SYN2: variants seen among roughly 807,000 people sequenced by gnomAD.
The protein encoded by SYN2 is synapsin-2.
Under a neutral mutation model 50.9 loss-of-function variants are expected in SYN2, and 19 were observed. That is an observed-to-expected ratio of 0.37 (90% CI 0.26 to 0.55). The LOEUF is 0.55. Ranked by LOEUF, SYN2 falls within the 20% of genes least tolerant of loss-of-function variation. SYN2 has a pLI of 0.81. For missense variants in SYN2, 587 were observed against 576.4 expected (o/e 1.02, Z -0.19); for synonymous variants, 255 against 224.9 (o/e 1.13, Z -1.20).
At chr3:12,180,932 G>A (rs771067926) in intron 10 of SYN2, among the ~76,000 whole-genome samples, 2 of 152,166 alleles carry the variant, frequency 1.3e-5, no homozygotes, top group African/African-American at 2.4e-5. Flanking sequence ...GATTTAAAAC[G>A]TTTTCTTGGA....
At chr3:12,183,072 C>CCA (rs1328791889) in intron 10 of SYN2, among the ~76,000 whole-genome samples, 2 of 152,206 alleles carry the variant, frequency 1.3e-5, no homozygotes, top group Admixed American at 1.3e-4. Flanking sequence ...GAAGAGGTCT[C>CCA]AGGCATTGTT....
At chr3:12,075,718 T>A (rs1695454563) in intron 1 of SYN2, among the ~76,000 whole-genome samples, 1 of 152,192 alleles carries the variant, frequency 6.6e-6, no homozygotes, top group African/African-American at 2.4e-5. Context: ...ATCCTGTATA[T>A]GACCAGTGAT....
chr3:12,085,087 G>A (rs1022365844), intron 1 of SYN2, among the ~76,000 whole-genome samples: 3 of 124,226 alleles, frequency 2.4e-5, no homozygotes, highest in Admixed American at 9.3e-5. Context: ...CTAATCAAAC[G>A]GCATTGAATG....
chr3:12,175,592 A>C (rs537885028), intron 10 of SYN2, among the ~76,000 whole-genome samples: 58 of 152,352 alleles, frequency 3.8e-4, no homozygotes, highest in African/African-American at 1.4e-3. Context: ...ACCTGTGGCT[A>C]GCCACTTGTC....
Position 12,145,707 on chromosome 3 carries a change from C to T in SYN2, c.556C>T (p.Arg186Trp), listed in dbSNP as rs1314094039. The T allele has an allele frequency of 2.5e-6, 4 of 1,614,020 alleles. No individual in the cohort carries two copies. Among genetic ancestry groups the T allele is most frequent in the South Asian group, 2.2e-5 (2 of 91,086 alleles). The stretch of plus-strand genomic sequence containing the variant: ...CTTCCGGCCAGACTTCGTGCTCATC[C>T]GGCAGCATGCATTTGGCATGGCGGA... Reference protein sequence around the residue: ...RSFRPDFVLIRQHAFGMAENE... With the variant: ...RSFRPDFVLIWQHAFGMAENE... Residue 186 changes from arginine (R) to tryptophan (W), a missense_variant, in exon 4 of 13, where the codon CGG becomes TGG. Arg to Trp is a moderately radical substitution (Grantham distance 101). Transcript: ENST00000621198.
intron 1 of SYN2, among the ~76,000 whole-genome samples, chr3:12,028,036 CA>C (rs1206949138): frequency 9.5e-5 from 9 of 95,056 alleles, no homozygotes; most frequent in East Asian, 3.3e-4. Flanking sequence ...CCCCCCTCCC[CA>C]CCACAGTCCC....
chr3:12,064,438 A>G (rs1695169350), intron 1 of SYN2, among the ~76,000 whole-genome samples: 1 of 152,106 alleles, frequency 6.6e-6, no homozygotes. Context: ...AAATGATACT[A>G]TAAATACAAT....
chr3:12,161,109 C>T (rs1002611567), intron 5 of SYN2, among the ~76,000 whole-genome samples: 3 of 152,124 alleles, frequency 2.0e-5, no homozygotes, highest in African/African-American at 2.4e-5. Flanking sequence ...TTGTAGGTAC[C>T]AAGAGGGTAC....
chr3:12,018,324 A>T (rs1694063981), intron 1 of SYN2, among the ~76,000 whole-genome samples: 1 of 151,938 alleles, frequency 6.6e-6, no homozygotes, highest in Non-Finnish European at 1.5e-5. Flanking sequence ...TGTAGAGCAG[A>T]TGTAGGCTAG....
At chr3:12,051,292 A>T (rs1489124658) in intron 1 of SYN2, among the ~76,000 whole-genome samples, 1 of 152,130 alleles carries the variant, frequency 6.6e-6, no homozygotes, top group Non-Finnish European at 1.5e-5. Context: ...GGCAAGGGGA[A>T]ATGTGTCAAT....
chr3:12,094,569 A>C (rs1695889415), intron 1 of SYN2, among the ~76,000 whole-genome samples: 1 of 152,242 alleles, frequency 6.6e-6, no homozygotes, highest in East Asian at 1.9e-4. Context: ...GTGTAACCAC[A>C]GTAAGTAACT....
At chr3:12,185,720 A>G (rs926334587) in intron 11 of SYN2, 31 of 985,748 alleles carry the variant, frequency 3.1e-5, no homozygotes, top group Non-Finnish European at 3.6e-5. Context: ...AGGAAAAGTT[A>G]TATCTGTCTT....
intron 1 of SYN2, among the ~76,000 whole-genome samples, chr3:12,126,116 G>A (rs1423874217): frequency 6.6e-6 from 1 of 152,182 alleles, no homozygotes; most frequent in Non-Finnish European, 1.5e-5. Flanking sequence ...ACTCTCTAAA[G>A]CACAGAATCT....
In SYN2 at chr3:12,187,399, C is replaced by A; in HGVS notation, c.1400C>A (p.Pro467His). The A allele has an allele frequency of 6.5e-7, 1 of 1,550,250 alleles. No individual in the cohort carries two copies. The highest frequency in any genetic ancestry group is 8.7e-7 in the Non-Finnish European group (1 of 1,145,754). Residue 467 changes from proline to histidine, a missense_variant, in exon 12 of 13, where the codon CCC (proline) becomes CAC (histidine). Physicochemically the swap from Pro to His is moderately conservative, Grantham distance 77 (BLOSUM62 -2). Transcript: ENST00000621198. ...GGPGQPQGMQ[P>H]PGKVLPPRRL... ...CCTGGGCAACCCCAAGGAATGCAGC[C>A]CCCAGGCAAGGTGCTGCCTCCACGC...
At chr3:12,049,809 A>G (rs1381696168) in intron 1 of SYN2, among the ~76,000 whole-genome samples, 1 of 152,226 alleles carries the variant, frequency 6.6e-6, no homozygotes, top group African/African-American at 2.4e-5. Context: ...AGATTTGGAA[A>G]CATGGCTTAT....
chr3:12,024,746 A>G (rs985894136), intron 1 of SYN2, among the ~76,000 whole-genome samples: 3 of 152,176 alleles, frequency 2.0e-5, no homozygotes, highest in African/African-American at 7.2e-5. Flanking sequence ...GATAAGAACA[A>G]TTTTTGTACA....
intron 1 of SYN2, among the ~76,000 whole-genome samples, chr3:12,085,369 A>ACGCACG (rs1302420459): frequency 0.028 from 4,230 of 149,930 alleles, 89 homozygotes; most frequent in Middle Eastern, 0.073. Flanking sequence ...ACACACACAC[A>ACGCACG]CACACACACA....
rs533147391 is a variant in SYN2, at chr3:12,190,584, C to T, written c.1708C>T (p.Arg570Trp). ...GGATGAAGCCAAAGCAGAGACCATCCGGAGCTTGAGGAAGTCCTTTGCCAG... is the reference window on the plus strand; with the variant it reads ...GGATGAAGCCAAAGCAGAGACCATCTGGAGCTTGAGGAAGTCCTTTGCCAG... Reference protein sequence around the residue: ...NEDEAKAETIRSLRKSFASLF... With the variant: ...NEDEAKAETIWSLRKSFASLF... Residue 570 changes from arginine (R) to tryptophan (W), a missense_variant, in exon 13 of 13, where the codon CGG becomes TGG. Arg to Trp is a moderately radical substitution (Grantham distance 101, BLOSUM62 -3). Coordinates refer to ENST00000621198, the MANE Select transcript of SYN2 (RefSeq NM_133625.6). 9.9e-6 allele frequency: 16 copies of T among 1,613,148 alleles called. No individual in the cohort carries two copies. The highest frequency in any genetic ancestry group is 5.5e-5 in the South Asian group (5 of 90,896).
intron 1 of SYN2, among the ~76,000 whole-genome samples, chr3:12,095,505 G>C: frequency 8.4e-6 from 1 of 119,108 alleles, no homozygotes; most frequent in Non-Finnish European, 1.7e-5. Flanking sequence ...CCGAGATGGC[G>C]CCACTGCACT....
Sources: gnomAD v4.1 joint callset for allele counts (sites outside exome capture counted in the v4.1 genomes callset) on GRCh38, gnomAD v4.1.1 for gene constraint, MANE v1.5 for transcripts, NCBI Gene and HGNC (gene_info 2026-07-23, HGNC 2026-07-21) for gene names.